The following ADGRL3 variants were observed in gnomAD, a reference collection of about 807,000 sequenced individuals.
ADGRL3 encodes the protein adhesion G protein-coupled receptor L3, also known as calcium-independent alpha-latrotoxin receptor 3.
Under a neutral mutation model 153.5 loss-of-function variants are expected in ADGRL3, and 62 were observed. The observed-to-expected ratio is 0.40, with a 90% CI of 0.33 to 0.50. The LOEUF (loss-of-function observed/expected upper bound fraction) is 0.50. Ranked by LOEUF, ADGRL3 falls within the 20% of genes least tolerant of loss-of-function variation. The pLI, the probability that ADGRL3 is intolerant of heterozygous loss-of-function variation, is 0.47. For synonymous variants in ADGRL3, 710 were observed against 672.5 expected (o/e 1.06, Z -0.86); for missense variants, 1,641 against 1,859.4 (o/e 0.88, Z 2.16).
chr4:61,347,013 A>T (rs977544293), intron 1 of ADGRL3, among the ~76,000 whole-genome samples: 9 of 152,082 alleles, frequency 5.9e-5, no homozygotes, highest in Admixed American at 3.3e-4. Flanking sequence ...CTTTGCTTAG[A>T]TGTTAGCAAA....
chr4:61,842,213 C>G (rs1291503051), intron 9 of ADGRL3, among the ~76,000 whole-genome samples: 1 of 152,102 alleles, frequency 6.6e-6, no homozygotes, highest in East Asian at 1.9e-4. Flanking sequence ...ATACACATGA[C>G]AGAACTGAGG....
intron 2 of ADGRL3, among the ~76,000 whole-genome samples, chr4:61,415,947 T>C (rs2097140052): frequency 6.6e-6 from 1 of 152,066 alleles, no homozygotes; most frequent in African/African-American, 2.4e-5. Flanking sequence ...CCATAAAACA[T>C]TGCAGAGTTC....
chr4:61,751,966 C>T (rs1006992025), intron 8 of ADGRL3, among the ~76,000 whole-genome samples: 8 of 151,940 alleles, frequency 5.3e-5, no homozygotes, highest in East Asian at 3.9e-4. Context: ...GATGAAAGAA[C>T]GGCATTTTCT....
At chr4:61,249,490 A>G (rs551455349) in intron 1 of ADGRL3, among the ~76,000 whole-genome samples, 24 of 152,230 alleles carry the variant, frequency 1.6e-4, no homozygotes, top group Non-Finnish European at 2.2e-4. Context: ...ATCACCTCAC[A>G]TTAAAGATGG....
chr4:61,224,095 C>A (rs1311374122), intron 1 of ADGRL3, among the ~76,000 whole-genome samples: 2 of 151,374 alleles, frequency 1.3e-5, no homozygotes, highest in Non-Finnish European at 2.9e-5. Flanking sequence ...TTTTTATTTT[C>A]AAAAATAATC....
intron 5 of ADGRL3, among the ~76,000 whole-genome samples, chr4:61,634,446 T>A (rs1220948751): frequency 2.0e-5 from 3 of 152,190 alleles, no homozygotes. Flanking sequence ...AGTGATTTTC[T>A]TGTAGTGTTT....
At chr4:61,583,699 G>A (rs372391126) in intron 4 of ADGRL3, 1 of 518,592 alleles carries the variant, frequency 1.9e-6, no homozygotes, top group Non-Finnish European at 3.9e-6. Context: ...TGGTCAGTGA[G>A]TAGTTCCAAA....
At position 61,851,308 on chromosome 4, in the gene ADGRL3, C is replaced by T. The variant is rs114687798; in HGVS notation, c.1480+37419C>T. Among the ~76,000 whole-genome samples, 699 of 151,996 alleles carry T rather than the reference C, an allele frequency of 4.6e-3. 6 individuals are homozygous for T. Among genetic ancestry groups the T allele is most frequent in the African/African-American group, 0.016 (675 of 41,476 alleles). On this transcript the variant is annotated intron_variant, in intron 9 of 26. Coordinates refer to ENST00000683033, the MANE Select transcript of ADGRL3 (RefSeq NM_001387552.1). Reference sequence around the variant, plus strand: ...ATGTTAATAAAAAGTGAGGTGTGGCCGGGAGCAGTGACTCACACCTGTGAT... The same window carrying T: ...ATGTTAATAAAAAGTGAGGTGTGGCTGGGAGCAGTGACTCACACCTGTGAT...
In ADGRL3 at chr4:62,031,516, A is replaced by G. The variant is rs2151507245; in HGVS notation, c.3497A>G (p.Asn1166Ser). 1 of 1,610,930 alleles carries G rather than the reference A, an allele frequency of 6.2e-7. No homozygotes were observed. Among genetic ancestry groups the G allele is most frequent in the East Asian group, 2.2e-5 (1 of 44,760 alleles). ...LTWAFGLMYINESTVIMAYLF... is the reference protein window; with the variant it reads ...LTWAFGLMYISESTVIMAYLF... Reference sequence around the variant, plus strand: ...TGGGCCTTTGGACTCATGTATATTAATGAAAGCACAGTCATCATGGCCTAT... The same window carrying G: ...TGGGCCTTTGGACTCATGTATATTAGTGAAAGCACAGTCATCATGGCCTAT... Residue 1166 changes from asparagine to serine, a missense_variant, in exon 23 of 27, where the codon AAT becomes AGT. Physicochemically the swap from Asn to Ser is conservative, Grantham distance 46. Around this residue, in one of 5 missense-constraint regions of ADGRL3, gnomAD observed 517 missense variants for 555.0 expected, o/e 0.93. Transcript: ENST00000683033.
intron 8 of ADGRL3, among the ~76,000 whole-genome samples, chr4:61,805,339 A>T (rs558077294): frequency 1.3e-5 from 2 of 152,284 alleles, no homozygotes; most frequent in South Asian, 4.1e-4. Flanking sequence ...AATTTACCAC[A>T]TTATGTTTTT....
At chr4:61,237,162 T>G (rs1434685745) in intron 1 of ADGRL3, among the ~76,000 whole-genome samples, 1 of 152,194 alleles carries the variant, frequency 6.6e-6, no homozygotes, top group Non-Finnish European at 1.5e-5. Context: ...AGCAATGAGA[T>G]TCTGAAAATG....
intron 9 of ADGRL3, among the ~76,000 whole-genome samples, chr4:61,864,429 C>T (rs748529084): frequency 2.0e-5 from 3 of 152,132 alleles, no homozygotes; most frequent in Non-Finnish European, 2.9e-5. Context: ...ATCTGAATGT[C>T]AAACATAAAA....
At chr4:61,922,562 T>TTTA (rs1193662891) in intron 13 of ADGRL3, among the ~76,000 whole-genome samples, 3 of 152,240 alleles carry the variant, frequency 2.0e-5, no homozygotes, top group Non-Finnish European at 4.4e-5. Flanking sequence ...ATCCAGGATA[T>TTTA]CATATTACAT....
At chr4:61,571,627 G>A (rs1434984227) in intron 4 of ADGRL3, among the ~76,000 whole-genome samples, 1 of 152,088 alleles carries the variant, frequency 6.6e-6, no homozygotes, top group East Asian at 1.9e-4. Context: ...ATGGCTCTCT[G>A]TGCCTGCGTT....
chr4:61,498,275 G>A (rs1351628002), intron 3 of ADGRL3, among the ~76,000 whole-genome samples: 2 of 152,112 alleles, frequency 1.3e-5, no homozygotes, highest in Non-Finnish European at 2.9e-5. Context: ...GAACGGCTGG[G>A]CACCATGGTT....
At chr4:61,708,434 G>A (rs1234626418) in intron 6 of ADGRL3, among the ~76,000 whole-genome samples, 1 of 151,376 alleles carries the variant, frequency 6.6e-6, no homozygotes, top group East Asian at 1.9e-4. Flanking sequence ...TGTTTTTAAA[G>A]GTACTTTAAA....
At chr4:61,607,521 A>G (rs924270002) in intron 5 of ADGRL3, among the ~76,000 whole-genome samples, 5 of 152,044 alleles carry the variant, frequency 3.3e-5, no homozygotes, top group Admixed American at 2.0e-4. Context: ...AATCACTTGA[A>G]CCCAGGAGGC....
At chr4:61,713,514 T>G (rs1019572791) in intron 6 of ADGRL3, among the ~76,000 whole-genome samples, 1 of 151,924 alleles carries the variant, frequency 6.6e-6, no homozygotes, top group Admixed American at 6.6e-5. Flanking sequence ...TCTCAGAATC[T>G]TAAAAGTTGT....
chr4:61,457,885 GATA>G (rs2097771578), intron 2 of ADGRL3, among the ~76,000 whole-genome samples: 2 of 151,660 alleles, frequency 1.3e-5, no homozygotes, highest in African/African-American at 4.8e-5. Flanking sequence ...TAGATAGATA[GATA>G]GATAGATAGA....
Sources: allele counts gnomAD v4.1 joint callset (sites outside exome capture counted in the v4.1 genomes callset), GRCh38; gene constraint gnomAD v4.1.1; regional missense constraint gnomAD v4.1.1; transcripts MANE v1.5; gene names NCBI Gene and HGNC (gene_info 2026-07-23, HGNC 2026-07-21).